Variants in CTNNA3 observed in about 807,000 individuals in gnomAD.
CTNNA3 encodes catenin alpha-3.
CTNNA3 carries 76 observed loss-of-function variants against 95.7 expected under a neutral mutation model. That is an observed-to-expected ratio of 0.79 (90% confidence interval 0.66 to 0.96). The LOEUF (loss-of-function observed/expected upper bound fraction) is 0.96, where lower values mean the gene tolerates loss of function less well. CTNNA3 is among the 40% of genes least tolerant of loss of function. The pLI is 0.00. For synonymous variants in CTNNA3, 431 were observed against 374.4 expected, an observed-to-expected ratio of 1.15 and a Z score of -1.74; for missense variants, 1,191 against 1,089.8, an observed-to-expected ratio of 1.09 and a Z score of -1.31.
intron 11 of CTNNA3, among the ~76,000 whole-genome samples, chr10:66,428,088 G>A (rs2093259177): frequency 6.6e-6 from 1 of 152,030 alleles, no homozygotes; most frequent in African/African-American, 2.4e-5. Context: ...ACAAAAAAAG[G>A]CAGGGGTTGC....
chr10:66,812,537 G>T (rs923629410), intron 7 of CTNNA3, among the ~76,000 whole-genome samples: 1 of 151,890 alleles, frequency 6.6e-6, no homozygotes, highest in Non-Finnish European at 1.5e-5. Context: ...CACGACTTTC[G>T]GTATGTTATT....
At chr10:66,679,042 A>G (rs775162190) in intron 9 of CTNNA3, among the ~76,000 whole-genome samples, 9 of 152,162 alleles carry the variant, frequency 5.9e-5, no homozygotes, top group Admixed American at 2.6e-4. Flanking sequence ...GTAAGGGTGT[A>G]ATATGGTCAA....
chr10:67,500,703 T>A (rs538548175), intron 5 of CTNNA3, among the ~76,000 whole-genome samples: 24 of 152,364 alleles, frequency 1.6e-4, no homozygotes, highest in Admixed American at 9.8e-4. Context: ...TCTTTTTTTA[T>A]CTTTGTTGGT....
intron 13 of CTNNA3, among the ~76,000 whole-genome samples, chr10:66,266,068 GAA>G (rs1188483451): frequency 6.7e-6 from 1 of 148,230 alleles, no homozygotes; most frequent in African/African-American, 2.5e-5. Context: ...GAAAAGAAGG[GAA>G]AAGAGAGAGA....
At chr10:66,111,863 T>A (rs987822855) in intron 13 of CTNNA3, among the ~76,000 whole-genome samples, 3 of 152,000 alleles carry the variant, frequency 2.0e-5, no homozygotes, top group African/African-American at 2.4e-5. Context: ...AAACTAGTTG[T>A]TTTTTGTTAG....
At position 67,703,016 on chromosome 10, in the gene CTNNA3, G is replaced by C. The variant is rs530158265; in HGVS notation, c.-1-55502C>G. On this transcript the variant is annotated intron_variant, in intron 1 of 17. Transcript: ENST00000684154. Reference sequence around the variant, plus strand: ...CAAACACCTCTACGCAAATAAACTAGAAAATCTAGAAGAAACGGATAAATT... The same window carrying C: ...CAAACACCTCTACGCAAATAAACTACAAAATCTAGAAGAAACGGATAAATT... Among the ~76,000 whole-genome samples the C allele has an allele frequency of 2.0e-5, 3 of 152,242 alleles. No individual in the cohort carries two copies. The South Asian group carries it at 6.2e-4, about 32-fold the overall frequency.
intron 2 of CTNNA3, among the ~76,000 whole-genome samples, chr10:67,632,612 A>G (rs1458981639): frequency 6.6e-6 from 1 of 152,048 alleles, no homozygotes; most frequent in Admixed American, 6.5e-5. Context: ...GAGCCAAGTA[A>G]AGCAGTAAGT....
intron 17 of CTNNA3, among the ~76,000 whole-genome samples, chr10:65,924,299 C>A (rs1026038215): frequency 6.6e-6 from 1 of 152,156 alleles, no homozygotes; most frequent in African/African-American, 2.4e-5. Context: ...ACACTGAGAT[C>A]TGCCCTCTCC....
At chr10:66,797,453 T>G (rs182739812) in intron 7 of CTNNA3, among the ~76,000 whole-genome samples, 127 of 150,138 alleles carry the variant, frequency 8.5e-4, no homozygotes, top group Middle Eastern at 3.4e-3. Flanking sequence ...CTATTGTGCA[T>G]GAATAAATGG....
At chr10:66,688,806 TA>T (rs773384742) in intron 9 of CTNNA3, among the ~76,000 whole-genome samples, 1 of 145,332 alleles carries the variant, frequency 6.9e-6, no homozygotes, top group Admixed American at 6.8e-5. Context: ...CCGTCTCTAC[TA>T]AAAAATACAA....
At chr10:67,213,821 T>A (rs1864238130) in intron 6 of CTNNA3, among the ~76,000 whole-genome samples, 1 of 151,798 alleles carries the variant, frequency 6.6e-6, no homozygotes, top group Non-Finnish European at 1.5e-5. Context: ...CATGACTCAG[T>A]ATGCTGTCAA....
intron 7 of CTNNA3, among the ~76,000 whole-genome samples, chr10:66,905,885 A>C (rs1845968428): frequency 6.6e-6 from 1 of 152,190 alleles, no homozygotes; most frequent in South Asian, 2.1e-4. Context: ...TTTATAAAAG[A>C]TAAATAAATC....
At chr10:67,639,679 C>T (rs1464495814) in intron 2 of CTNNA3, among the ~76,000 whole-genome samples, 1 of 152,100 alleles carries the variant, frequency 6.6e-6, no homozygotes, top group Non-Finnish European at 1.5e-5. Context: ...GGCTTCATCC[C>T]TGGGATGCAA....
chr10:67,329,135 A>G (rs1356208790), intron 5 of CTNNA3, among the ~76,000 whole-genome samples: 1 of 152,136 alleles, frequency 6.6e-6, no homozygotes, highest in Non-Finnish European at 1.5e-5. Context: ...ATTTTGGGAG[A>G]CCAAGGTGGG....
chr10:65,988,818 G>T (rs773796352), intron 15 of CTNNA3, 21 bp from the exon 16 acceptor site: 1 of 1,548,614 alleles, frequency 6.5e-7, no homozygotes, highest in African/African-American at 1.4e-5. Flanking sequence ...ATTTATATAT[G>T]TTAGCTGTGG....
chr10:67,507,886 A>C (rs1307900103), intron 5 of CTNNA3, among the ~76,000 whole-genome samples: 2 of 152,238 alleles, frequency 1.3e-5, no homozygotes, highest in East Asian at 3.9e-4. Context: ...ACATTAACAG[A>C]ATGGAGAACA....
intron 15 of CTNNA3, among the ~76,000 whole-genome samples, chr10:66,058,592 A>T (rs190047303): frequency 1.5e-4 from 23 of 152,228 alleles, no homozygotes; most frequent in African/African-American, 5.1e-4. Context: ...GCTCTCCTGG[A>T]CATGAGGAAA....
At position 66,379,227 on chromosome 10, in the gene CTNNA3, C is replaced by A. The variant is rs371983729; in HGVS notation, c.1657G>T (p.Gly553Cys). Residue 553 changes from glycine (G) to cysteine (C), a missense_variant, in exon 12 of 18, where the codon GGT (glycine) becomes TGT (cysteine). By Grantham distance (159) the Gly-to-Cys change is radical (BLOSUM62 -3). Transcript: ENST00000433211. ...RAARVAHIVT[G>C]EMDSYEPGAY... is the part of the protein sequence containing the mutation. ...CCTGGCTCGTAACTGTCCATTTCAC[C>A]CGTGACGATGTGAGCAACTCTTGCT... The A allele has an allele frequency of 5.6e-6, 9 of 1,614,006 alleles. No individual in the cohort carries two copies. The highest frequency in any genetic ancestry group is 7.6e-6 in the Non-Finnish European group (9 of 1,180,008).
chr10:67,567,144 A>C (rs1319884096), intron 3 of CTNNA3, among the ~76,000 whole-genome samples: 1 of 151,968 alleles, frequency 6.6e-6, no homozygotes, highest in Non-Finnish European at 1.5e-5. Flanking sequence ...CATGTTGTGC[A>C]CATGTACCCT....
Sources: gnomAD v4.1 joint callset for allele counts (sites outside exome capture counted in the v4.1 genomes callset) on GRCh38, gnomAD v4.1.1 for gene constraint, MANE v1.5 for transcripts, NCBI Gene and HGNC (gene_info 2026-07-23, HGNC 2026-07-21) for gene names.